TMEM117: variants seen among roughly 807,000 people sequenced by gnomAD.
The protein encoded by TMEM117 is transmembrane protein 117.
A neutral mutation model predicts 52.4 loss-of-function variants in TMEM117; 27 were observed. That is an observed-to-expected ratio of 0.51 (90% confidence interval 0.38 to 0.71). TMEM117 has a LOEUF of 0.71. Ranked by LOEUF, TMEM117 falls within the 30% of genes least tolerant of loss-of-function variation. TMEM117 has a pLI of 0.00. For synonymous variants in TMEM117, 215 were observed against 206.3 expected, an observed-to-expected ratio of 1.04 and a Z score of -0.36; for missense variants, 556 against 630.5, an observed-to-expected ratio of 0.88 and a Z score of 1.26.
intron 4 of TMEM117, among the ~76,000 whole-genome samples, chr12:44,183,086 G>A (rs1414784857): frequency 1.3e-5 from 2 of 151,948 alleles, no homozygotes; most frequent in African/African-American, 4.8e-5. Context: ...TTTGGATTTA[G>A]AAAATTTAGA....
chr12:44,127,410 C>A (rs1031391226), intron 3 of TMEM117, among the ~76,000 whole-genome samples: 1 of 151,754 alleles, frequency 6.6e-6, no homozygotes, highest in African/African-American at 2.4e-5. Flanking sequence ...GTCACGGTGG[C>A]GCGTGCCTGT....
At chr12:44,168,078 AC>A (rs1384256312) in intron 4 of TMEM117, among the ~76,000 whole-genome samples, 9 of 151,740 alleles carry the variant, frequency 5.9e-5, no homozygotes, top group Non-Finnish European at 1.3e-4. Flanking sequence ...ATATGGTGAA[AC>A]CCCGTCTCTA....
intron 3 of TMEM117, among the ~76,000 whole-genome samples, chr12:44,096,132 A>G (rs1947756828): frequency 6.6e-6 from 1 of 152,334 alleles, no homozygotes; most frequent in Non-Finnish European, 1.5e-5. Flanking sequence ...AAGAGAATAA[A>G]ATACCTAGGA....
chr12:44,114,288 T>C (rs183257140), intron 3 of TMEM117, among the ~76,000 whole-genome samples: 22 of 152,324 alleles, frequency 1.4e-4, no homozygotes, highest in African/African-American at 4.6e-4. Flanking sequence ...TGACAACTTT[T>C]TACTCCTTTA....
At chr12:44,105,133 A>T (rs1034506348) in intron 3 of TMEM117, among the ~76,000 whole-genome samples, 1 of 151,222 alleles carries the variant, frequency 6.6e-6, no homozygotes, top group Non-Finnish European at 1.5e-5. Context: ...TAGTTGTTCC[A>T]TAGTTTTTGG....
chr12:43,798,661 A>G, the TMEM117 span: 1 of 1,403,394 alleles, frequency 7.1e-7, no homozygotes, highest in Non-Finnish European at 9.5e-7. Context: ...CTACTCAAAT[A>G]ATATGAATTA....
At chr12:44,028,165 C>T (rs1355086514) in intron 3 of TMEM117, among the ~76,000 whole-genome samples, 1 of 152,158 alleles carries the variant, frequency 6.6e-6, no homozygotes, top group African/African-American at 2.4e-5. Context: ...TGCACTCCAG[C>T]CTGGGTGACA....
chr12:44,043,515 C>T (rs1482686631), intron 3 of TMEM117, among the ~76,000 whole-genome samples: 2 of 152,284 alleles, frequency 1.3e-5, no homozygotes, highest in Non-Finnish European at 2.9e-5. Flanking sequence ...GCCCCATCCT[C>T]CATAGTGGCA....
intron 3 of TMEM117, among the ~76,000 whole-genome samples, chr12:43,985,496 C>T (rs1461301767): frequency 1.3e-5 from 2 of 152,070 alleles, no homozygotes; most frequent in Non-Finnish European, 1.5e-5. Context: ...TAGTGAAGAG[C>T]ATAACTTTTT....
intron 3 of TMEM117, among the ~76,000 whole-genome samples, chr12:44,064,519 T>C (rs1947191341): frequency 6.6e-6 from 1 of 152,196 alleles, no homozygotes; most frequent in Non-Finnish European, 1.5e-5. Context: ...AGTGTGTGTG[T>C]GTGCTTTGTC....
chr12:44,054,227 A>G (rs1372374380), intron 3 of TMEM117, among the ~76,000 whole-genome samples: 2 of 152,204 alleles, frequency 1.3e-5, no homozygotes, highest in Admixed American at 6.5e-5. Flanking sequence ...TGTACTTACA[A>G]TCTATGTGCT....
At chr12:44,202,888 A>G (rs573581840) in intron 4 of TMEM117, among the ~76,000 whole-genome samples, 1 of 152,080 alleles carries the variant, frequency 6.6e-6, no homozygotes, top group East Asian at 1.9e-4. Flanking sequence ...TCCAGGGTTC[A>G]AGCAATTCTC....
intron 5 of TMEM117, among the ~76,000 whole-genome samples, chr12:44,292,704 T>C (rs1224353499): frequency 6.6e-6 from 1 of 152,110 alleles, no homozygotes; most frequent in Admixed American, 6.5e-5. Context: ...CCTTTTGATT[T>C]CTTCTTTGAC....
At chr12:44,064,579 CATT>C (rs1456126934) in intron 3 of TMEM117, among the ~76,000 whole-genome samples, 5 of 151,970 alleles carry the variant, frequency 3.3e-5, no homozygotes, top group African/African-American at 1.2e-4. Context: ...TTTGCAGTGT[CATT>C]AGTATAATGA....
chr12:44,377,344 A>G (rs1252734037), intron 7 of TMEM117, among the ~76,000 whole-genome samples: 3 of 152,164 alleles, frequency 2.0e-5, no homozygotes, highest in East Asian at 1.9e-4. Flanking sequence ...AAACAATGGT[A>G]TCCTAGAGCC....
At chr12:44,343,576 G>A (rs968312050) in intron 6 of TMEM117, among the ~76,000 whole-genome samples, 1 of 152,030 alleles carries the variant, frequency 6.6e-6, no homozygotes, top group Non-Finnish European at 1.5e-5. Context: ...AGGGGACATG[G>A]GGACTTGTTT....
intron 3 of TMEM117, among the ~76,000 whole-genome samples, chr12:44,024,442 C>A (rs1228698359): frequency 6.6e-6 from 1 of 152,046 alleles, no homozygotes; most frequent in Admixed American, 6.6e-5. Context: ...GGATTGAGTG[C>A]ATGTACTGAT....
At chr12:44,194,696 T>A (rs1219940010) in intron 4 of TMEM117, among the ~76,000 whole-genome samples, 1 of 152,032 alleles carries the variant, frequency 6.6e-6, no homozygotes, top group Non-Finnish European at 1.5e-5. Context: ...CATGGTGGCA[T>A]GGCACACACC....
intron 2 of TMEM117, among the ~76,000 whole-genome samples, chr12:43,849,316 A>C (rs1943265322): frequency 6.6e-6 from 1 of 152,188 alleles, no homozygotes; most frequent in Non-Finnish European, 1.5e-5. Flanking sequence ...CAGCATAGGA[A>C]GCTAAGGCAA....
Sources: gnomAD v4.1 joint callset for allele counts (sites outside exome capture counted in the v4.1 genomes callset) on GRCh38, gnomAD v4.1.1 for gene constraint, MANE v1.5 for transcripts, NCBI Gene and HGNC (gene_info 2026-07-23, HGNC 2026-07-21) for gene names.